HHLA1: variants seen among roughly 807,000 people sequenced by gnomAD.
HHLA1 encodes the protein HHLA1 neighbor of OC90.
Under a neutral mutation model 69.9 loss-of-function variants are expected in HHLA1, and 72 were observed. The observed-to-expected ratio is 1.03, with a 90% CI of 0.85 to 1.25. The LOEUF (loss-of-function observed/expected upper bound fraction) is 1.25, where lower values mean the gene tolerates loss of function less well. HHLA1 is among the 50% of genes most tolerant of loss of function. The pLI, the probability that HHLA1 is intolerant of heterozygous loss-of-function variation, is 0.00. For missense variants in HHLA1, 685 were observed against 642.2 expected, an observed-to-expected ratio of 1.07 and a Z score of -0.72; for synonymous variants, 252 against 233.2, an observed-to-expected ratio of 1.08 and a Z score of -0.73.
intron 10 of HHLA1, chr8:132,080,742 T>C (rs1459838624): frequency 4.0e-5 from 6 of 151,886 alleles, no homozygotes; most frequent in African/African-American, 1.5e-4. Context: ...AGTGTTGGGG[T>C]GGCGAAAATT....
chr8:132,083,506 C>A (rs888801730), intron 10 of HHLA1, among the ~76,000 whole-genome samples: 3 of 152,140 alleles, frequency 2.0e-5, no homozygotes, highest in African/African-American at 7.2e-5. Context: ...AGTCTTCAGC[C>A]GCTAAGCCAA....
chr8:132,109,070 C>T (rs185758772), intron 1 of HHLA1, among the ~76,000 whole-genome samples: 18 of 152,312 alleles, frequency 1.2e-4, no homozygotes, highest in East Asian at 3.9e-4. Flanking sequence ...TGCAGTGGCA[C>T]GATCTCGGCA....
At chr8:132,079,454 G>A (rs774998708) in intron 11 of HHLA1, among the ~76,000 whole-genome samples, 5 of 152,210 alleles carry the variant, frequency 3.3e-5, no homozygotes, top group Admixed American at 1.3e-4. Context: ...ATTTTTGCAA[G>A]TCTTCGTGAG....
At chr8:132,089,465 C>G in intron 8 of HHLA1, 51 bp downstream of exon 8, 1 of 974,322 alleles carries the variant, frequency 1.0e-6, no homozygotes, top group Non-Finnish European at 1.6e-6. Context: ...TTATCTACCA[C>G]AACAGATGCT....
intron 12 of HHLA1, among the ~76,000 whole-genome samples, chr8:132,076,934 C>A (rs1212486834): frequency 6.6e-6 from 1 of 152,108 alleles, no homozygotes; most frequent in Non-Finnish European, 1.5e-5. Flanking sequence ...ATCCATCCCA[C>A]CCCCGACAAA....
At position 132,071,385 on chromosome 8, in the gene HHLA1, T is replaced by C. The variant is rs1423362177; in HGVS notation, c.1424A>G (p.Gln475Arg). The C allele has an allele frequency of 6.4e-7, 1 of 1,551,666 alleles. No homozygotes were observed. Among genetic ancestry groups the C allele is most frequent in the Non-Finnish European group, 8.7e-7 (1 of 1,146,946 alleles). ...ACTCCTCTGGCTCATGCAGAGGCATTGCTGGAAGAATTGGCACAGCTCCAT... is the reference window on the plus strand; with the variant it reads ...ACTCCTCTGGCTCATGCAGAGGCATCGCTGGAAGAATTGGCACAGCTCCAT... ...CLMELCQFFQ[Q>R]CLCMSQRSPR... The change falls in exon 15 of 17, where the codon CAA (glutamine) becomes CGA (arginine). Residue 475 changes from glutamine (Q) to arginine (R), a missense_variant. Gln to Arg is a conservative substitution (Grantham distance 43). Transcript: ENST00000414222.
At chr8:132,081,957 G>A (rs1010862248) in intron 10 of HHLA1, among the ~76,000 whole-genome samples, 7 of 152,234 alleles carry the variant, frequency 4.6e-5, no homozygotes, top group Admixed American at 2.6e-4. Context: ...GGTGTGTGGC[G>A]ATTAGGCCTG....
intron 15 of HHLA1, among the ~76,000 whole-genome samples, chr8:132,067,093 T>A (rs1315555408): frequency 6.6e-6 from 1 of 152,102 alleles, no homozygotes; most frequent in Non-Finnish European, 1.5e-5. Context: ...ACAGAGAAAG[T>A]ACTGTGGCCA....
At chr8:132,098,583 T>A (rs1239867059) in intron 5 of HHLA1, among the ~76,000 whole-genome samples, 1 of 152,024 alleles carries the variant, frequency 6.6e-6, no homozygotes, top group Non-Finnish European at 1.5e-5. Flanking sequence ...CACCTCAGCC[T>A]CCCGAGTAGC....
intron 5 of HHLA1, 88 bp downstream of exon 5, chr8:132,098,794 G>T: frequency 1.3e-6 from 1 of 782,960 alleles, no homozygotes; most frequent in Non-Finnish European, 2.1e-6. Flanking sequence ...GAAGTGAAGT[G>T]TCTTGTCAAG....
intron 10 of HHLA1, 111 bp from the exon 11 acceptor site, chr8:132,080,077 C>T (rs1823721396): frequency 7.2e-7 from 1 of 1,385,896 alleles, no homozygotes; most frequent in Non-Finnish European, 1.0e-6. Context: ...AAACCTTTCT[C>T]TAATTAAAAG....
At chr8:132,077,303 G>C (rs1446987583) in intron 12 of HHLA1, among the ~76,000 whole-genome samples, 1 of 152,158 alleles carries the variant, frequency 6.6e-6, no homozygotes, top group African/African-American at 2.4e-5. Context: ...TAAAGATCAG[G>C]AGATGTGGGC....
Position 132,085,601 on chromosome 8 carries a change from T to C in HHLA1, c.676+2052A>G, listed in dbSNP as rs539920445. The C allele has an allele frequency of 1.0e-3, 175 of 175,458 alleles. No homozygotes were observed. In the East Asian group the frequency reaches 0.028, roughly 28 times the overall value. The allele number at this position is 175,458 out of a possible 1,614,324, so 10.9% of individuals were successfully genotyped here. On this transcript the variant is annotated intron_variant, in intron 10 of 16. Coordinates refer to ENST00000414222, the MANE Select transcript of HHLA1 (RefSeq NM_001145095.3). ...CACCAAACAGGCTTTGTGTGAGCAATAAAGCTGTTTATTTCACCTGGGTGC... is the reference window on the plus strand; with the variant it reads ...CACCAAACAGGCTTTGTGTGAGCAACAAAGCTGTTTATTTCACCTGGGTGC...
At chr8:132,098,283 T>G (rs1019929720) in intron 5 of HHLA1, among the ~76,000 whole-genome samples, 2 of 152,150 alleles carry the variant, frequency 1.3e-5, no homozygotes, top group Admixed American at 6.5e-5. Flanking sequence ...ACAATAATAT[T>G]GTCTTAAAAA....
intron 10 of HHLA1, 170 bp from the exon 11 acceptor site, chr8:132,080,136 GC>G (rs1217575271): frequency 1.1e-6 from 1 of 927,312 alleles, no homozygotes; most frequent in South Asian, 1.4e-5. Flanking sequence ...CCCTGTCAGA[GC>G]CTTTCTTCCA....
intron 12 of HHLA1, 89 bp downstream of exon 12, chr8:132,077,637 A>G: frequency 1.5e-6 from 2 of 1,348,330 alleles, no homozygotes; most frequent in Non-Finnish European, 2.0e-6. Context: ...TGTGTGTATT[A>G]TATTCCAAAA....
At chr8:132,067,500 A>G (rs1391532264) in intron 15 of HHLA1, among the ~76,000 whole-genome samples, 1 of 152,074 alleles carries the variant, frequency 6.6e-6, no homozygotes, top group Non-Finnish European at 1.5e-5. Context: ...AAACTTCCAG[A>G]GATAGGATGT....
At chr8:132,071,099 T>G (rs1823532236) in intron 15 of HHLA1, among the ~76,000 whole-genome samples, 1 of 152,294 alleles carries the variant, frequency 6.6e-6, no homozygotes, top group South Asian at 2.1e-4. Flanking sequence ...TCAATTATAC[T>G]TATTGTGTCA....
At chr8:132,101,693 C>T (rs1451991899) in intron 3 of HHLA1, among the ~76,000 whole-genome samples, 2 of 151,864 alleles carry the variant, frequency 1.3e-5, no homozygotes, top group African/African-American at 2.4e-5. Flanking sequence ...CCTGCCTCAG[C>T]CTCCTGAGTA....
Sources: allele counts gnomAD v4.1 joint callset (sites outside exome capture counted in the v4.1 genomes callset), GRCh38; gene constraint gnomAD v4.1.1; transcripts MANE v1.5; gene names NCBI Gene and HGNC (gene_info 2026-07-23, HGNC 2026-07-21).